Variants in CHSY3 observed in about 807,000 individuals in gnomAD.
The protein encoded by CHSY3 is chondroitin sulfate synthase 3.
In CHSY3, 35 loss-of-function variants were observed where a neutral mutation model predicts 67.2. The ratio of observed to expected loss-of-function variants is 0.52; its 90% CI spans 0.40 to 0.69. The LOEUF (loss-of-function observed/expected upper bound fraction) is 0.69, where lower values mean the gene tolerates loss of function less well. CHSY3 is among the 30% of genes least tolerant of loss of function. The pLI is 0.00. For synonymous variants in CHSY3, 474 were observed against 434.7 expected (o/e 1.09, Z -1.12); for missense variants, 1,069 against 1,138.5 (o/e 0.94, Z 0.88).
chr5:130,094,713 G>A (rs982112299), intron 2 of CHSY3, among the ~76,000 whole-genome samples: 1 of 152,066 alleles, frequency 6.6e-6, no homozygotes, highest in Non-Finnish European at 1.5e-5. Context: ...CAGGGGGGTA[G>A]AACACAGACA....
chr5:130,075,424 A>G (rs1766218115), intron 2 of CHSY3, among the ~76,000 whole-genome samples: 1 of 152,140 alleles, frequency 6.6e-6, no homozygotes, highest in South Asian at 2.1e-4. Flanking sequence ...TCATTCTACT[A>G]AAAATATTCC....
chr5:129,981,386 C>A (rs1440896390), intron 2 of CHSY3, among the ~76,000 whole-genome samples: 1 of 151,974 alleles, frequency 6.6e-6, no homozygotes, highest in African/African-American at 2.4e-5. Context: ...ATTCTGCAAC[C>A]TTGCTATAAT....
chr5:129,951,978 A>T (rs73785822), intron 2 of CHSY3, among the ~76,000 whole-genome samples: 1,930 of 152,334 alleles, frequency 0.013, 46 homozygotes, highest in African/African-American at 0.044. Context: ...ATCAGCCTGG[A>T]TAGGAAGAGG....
intron 2 of CHSY3, among the ~76,000 whole-genome samples, chr5:129,961,807 A>T (rs559597534): frequency 6.6e-6 from 1 of 151,906 alleles, no homozygotes; most frequent in South Asian, 2.1e-4. Flanking sequence ...TTTTCCCTCT[A>T]GTCAATAAAC....
intron 2 of CHSY3, among the ~76,000 whole-genome samples, chr5:130,099,507 C>T (rs572531024): frequency 6.6e-6 from 1 of 152,250 alleles, no homozygotes; most frequent in African/African-American, 2.4e-5. Flanking sequence ...GAATATCCCC[C>T]GTCTTTATAA....
At chr5:129,947,395 G>A (rs1761888978) in intron 2 of CHSY3, among the ~76,000 whole-genome samples, 1 of 152,034 alleles carries the variant, frequency 6.6e-6, no homozygotes, top group Non-Finnish European at 1.5e-5. Flanking sequence ...AGGCTGGGGT[G>A]GGTGATTCAC....
At chr5:130,161,072 T>A (rs1314222236) in intron 2 of CHSY3, among the ~76,000 whole-genome samples, 1 of 151,678 alleles carries the variant, frequency 6.6e-6, no homozygotes, top group African/African-American at 2.4e-5. Context: ...GCCCATCTAA[T>A]TTTTTGTATT....
At chr5:130,115,253 C>A (rs1018303542) in intron 2 of CHSY3, among the ~76,000 whole-genome samples, 1 of 151,598 alleles carries the variant, frequency 6.6e-6, no homozygotes, top group African/African-American at 2.4e-5. Flanking sequence ...TTTTTTTCCT[C>A]CATAAATACA....
intron 2 of CHSY3, among the ~76,000 whole-genome samples, chr5:130,092,699 A>G (rs531203648): frequency 6.6e-6 from 1 of 152,176 alleles, no homozygotes; most frequent in Admixed American, 6.5e-5. Flanking sequence ...CAGAAAACCA[A>G]TTACTGACAC....
intron 2 of CHSY3, among the ~76,000 whole-genome samples, chr5:129,908,855 A>C (rs1462294244): frequency 6.6e-6 from 1 of 152,178 alleles, no homozygotes; most frequent in African/African-American, 2.4e-5. Context: ...TATTTTTAAA[A>C]GTATCAGAAA....
At chr5:130,146,027 G>A (rs1389109079) in intron 2 of CHSY3, among the ~76,000 whole-genome samples, 5 of 152,062 alleles carry the variant, frequency 3.3e-5, no homozygotes. Context: ...TGTCTATTAT[G>A]GATAACAGTA....
chr5:130,097,750 TC>T (rs1767097233), intron 2 of CHSY3, among the ~76,000 whole-genome samples: 1 of 152,196 alleles, frequency 6.6e-6, no homozygotes, highest in African/African-American at 2.4e-5. Context: ...ACGCCTGTAA[TC>T]CCAGCACTTT....
At chr5:129,979,199 C>CAAAGAAAAAA (rs1762901757) in intron 2 of CHSY3, among the ~76,000 whole-genome samples, 1 of 62,526 alleles carries the variant, frequency 1.6e-5, no homozygotes, top group Non-Finnish European at 2.8e-5. Flanking sequence ...GACTCCGTCT[C>CAAAGAAAAAA]AAAAAAAAAA....
chr5:130,009,503 C>CAA (rs571596807), intron 2 of CHSY3, among the ~76,000 whole-genome samples: 1 of 139,352 alleles, frequency 7.2e-6, no homozygotes, highest in African/African-American at 2.6e-5. Flanking sequence ...TACTGGCCAC[C>CAA]AAAAAAAAAA....
In CHSY3 at chr5:130,145,511, G is replaced by C. The variant is rs527909374; in HGVS notation, c.1087-38718G>C. ...AAAACCTGAAATGATGAAACTACAA[G>C]AAGGGAAAATGCTTTATGTCATTGG... On this transcript the variant is annotated intron_variant, in intron 2 of 2. Transcript: ENST00000305031. Among the ~76,000 whole-genome samples the C allele has an allele frequency of 3.1e-3, 476 of 152,206 alleles. 4 individuals are homozygous for C. Among genetic ancestry groups the C allele is most frequent in the African/African-American group, 0.011 (444 of 41,534 alleles).
chr5:129,916,536 A>G (rs1760735222), intron 2 of CHSY3, among the ~76,000 whole-genome samples: 1 of 152,242 alleles, frequency 6.6e-6, no homozygotes, highest in Non-Finnish European at 1.5e-5. Context: ...CATTTTTATT[A>G]AAACTGTATT....
intron 2 of CHSY3, among the ~76,000 whole-genome samples, chr5:130,177,068 AG>A (rs1462204297): frequency 6.6e-6 from 1 of 152,026 alleles, no homozygotes; most frequent in African/African-American, 2.4e-5. Context: ...TTTCAGTTTT[AG>A]TCATTTTCTA....
At position 130,185,252 on chromosome 5, in the gene CHSY3, G is replaced by C; in HGVS notation, c.2110G>C (p.Ala704Pro). ...EFSRGLGLEM[A>P]SAQFDNDTLL... ...TTCCAGAGGTCTTGGTCTTGAAATG[G>C]CTTCTGCCCAGTTTGACAATGACAC... The change falls in exon 3 of 3, where the codon GCT (alanine) becomes CCT (proline). Residue 704 changes from alanine (A) to proline (P), a missense_variant. Transcript: ENST00000305031. The C allele has an allele frequency of 6.2e-7, 1 of 1,606,114 alleles. No homozygotes were observed. Among genetic ancestry groups the C allele is most frequent in the Non-Finnish European group, 8.5e-7 (1 of 1,172,768 alleles).
intron 2 of CHSY3, among the ~76,000 whole-genome samples, chr5:130,142,989 T>C (rs574507035): frequency 6.6e-6 from 1 of 152,352 alleles, no homozygotes; most frequent in South Asian, 2.1e-4. Context: ...TTCTGTCTTC[T>C]GTAAGAGTAT....
Sources: gnomAD v4.1 joint callset for allele counts (sites outside exome capture counted in the v4.1 genomes callset) on GRCh38, gnomAD v4.1.1 for gene constraint, MANE v1.5 for transcripts, NCBI Gene and HGNC (gene_info 2026-07-23, HGNC 2026-07-21) for gene names.